Variants in SLC30A8 observed in about 807,000 individuals in gnomAD.
SLC30A8 encodes solute carrier family 30 member 8, also known as proton-coupled zinc antiporter SLC30A8.
A neutral mutation model predicts 36.9 loss-of-function variants in SLC30A8; 27 were observed. The ratio of observed to expected loss-of-function variants is 0.73; its 90% CI spans 0.54 to 1.01. SLC30A8 has a LOEUF of 1.01. Ranked by LOEUF, SLC30A8 falls within the 50% of genes least tolerant of loss-of-function variation. The pLI is 0.00. For synonymous variants in SLC30A8, 164 were observed against 172.4 expected (o/e 0.95, Z 0.38); for missense variants, 439 against 452.0 (o/e 0.97, Z 0.26).
rs901520724 is a variant in SLC30A8 at position 117,122,796 on chromosome 8, T to C, written c.-225-12484T>C. 1.3e-5 allele frequency among the ~76,000 whole-genome samples: 2 copies of C among 152,032 alleles called. 1 individual carries two copies. Among genetic ancestry groups the C allele is most frequent in the Non-Finnish European group, 2.9e-5 (2 of 67,964 alleles). ...GAGCTTTGTCGTGTCTTTGGTGTCCTGGTTGAAGACCAGACTGCCTTTCTT... is the reference window on the plus strand; with the variant it reads ...GAGCTTTGTCGTGTCTTTGGTGTCCCGGTTGAAGACCAGACTGCCTTTCTT... On this transcript the variant is annotated intron_variant, in intron 2 of 10. Transcript: ENST00000427715.
intron 2 of SLC30A8, among the ~76,000 whole-genome samples, chr8:117,089,258 C>T (rs577549887): frequency 2.0e-5 from 3 of 152,058 alleles, no homozygotes; most frequent in Non-Finnish European, 4.4e-5. Context: ...TTTTTCTAGC[C>T]CCAAATTCCA....
At chr8:117,011,682 G>A (rs2130705623) in intron 1 of SLC30A8, among the ~76,000 whole-genome samples, 1 of 152,260 alleles carries the variant, frequency 6.6e-6, no homozygotes, top group South Asian at 2.1e-4. Flanking sequence ...AAGAAGCCAG[G>A]GGTGATGTTG....
At chr8:117,160,600 C>G (rs1406147070) in intron 4 of SLC30A8, among the ~76,000 whole-genome samples, 4 of 152,192 alleles carry the variant, frequency 2.6e-5, no homozygotes, top group Admixed American at 6.5e-5. Flanking sequence ...TTTTTCCTCT[C>G]TCTTTTTGTC....
intron 2 of SLC30A8, among the ~76,000 whole-genome samples, chr8:117,093,283 A>C (rs572661912): frequency 8.6e-5 from 13 of 152,010 alleles, no homozygotes; most frequent in African/African-American, 3.1e-4. Context: ...AGCAACGTTT[A>C]AAAAAAGAAA....
rs1491223080 is a variant in SLC30A8 at position 117,167,504 on chromosome 8, T to TATATATATATATATATATATAC, written c.830-3530_830-3529insATATATATATATATATATATAC. On this transcript the variant is annotated intron_variant, in intron 6 of 7. Transcript: ENST00000456015. ...GCATATATATATATACATACATACA[T>TATATATATATATATATATATAC]GTATATGTATATGTGTATGTGATGT... is the stretch of plus-strand genomic sequence containing the variant. 5.8e-3 allele frequency among the ~76,000 whole-genome samples: 825 copies of TATATATATATATATATATATAC among 141,818 alleles called. 18 individuals are homozygous for TATATATATATATATATATATAC. Among genetic ancestry groups the TATATATATATATATATATATAC allele is most frequent in the Non-Finnish European group, 8.1e-3 (509 of 62,672 alleles). The allele number at this position is 141,818 out of a possible 152,430, so 93.0% of individuals were successfully genotyped here.
At chr8:117,043,867 T>G (rs566965374) in intron 2 of SLC30A8, among the ~76,000 whole-genome samples, 3 of 152,214 alleles carry the variant, frequency 2.0e-5, no homozygotes, top group African/African-American at 7.2e-5. Flanking sequence ...TTTCAGTATG[T>G]TTTTTAGTTC....
rs371602500 is a variant in SLC30A8, at chr8:116,973,790, A to G, written c.-266+22671A>G. Among the ~76,000 whole-genome samples, 11 of 152,328 alleles carry G rather than the reference A, an allele frequency of 7.2e-5. No homozygotes were observed. In the East Asian group the frequency reaches 2.1e-3, roughly 29 times the overall value. On this transcript the variant is annotated intron_variant, in intron 1 of 10. Transcript: ENST00000427715. ...ATCAAGCTACCTGACTTCAAACTATATTACAAGGCTACAGTAACCAAAACA... is the reference window on the plus strand; with the variant it reads ...ATCAAGCTACCTGACTTCAAACTATGTTACAAGGCTACAGTAACCAAAACA...
intron 1 of SLC30A8, among the ~76,000 whole-genome samples, chr8:117,021,880 C>G (rs1027481515): frequency 4.6e-5 from 7 of 152,034 alleles, no homozygotes; most frequent in African/African-American, 1.7e-4. Context: ...CAATTTATGA[C>G]GGAAGGGCTG....
intron 1 of SLC30A8, among the ~76,000 whole-genome samples, chr8:116,952,537 C>T (rs941757064): frequency 5.3e-5 from 8 of 152,024 alleles, no homozygotes; most frequent in South Asian, 4.2e-4. Flanking sequence ...CTCCGCCTTC[C>T]GGGTTCAAGC....
At chr8:116,957,428 G>C (rs1490627609) in intron 1 of SLC30A8, among the ~76,000 whole-genome samples, 2 of 152,000 alleles carry the variant, frequency 1.3e-5, no homozygotes, top group African/African-American at 4.8e-5. Flanking sequence ...GTGCCACCAT[G>C]CTCGGCTAAT....
At chr8:117,066,186 T>C (rs1024571030) in intron 2 of SLC30A8, among the ~76,000 whole-genome samples, 1 of 152,156 alleles carries the variant, frequency 6.6e-6, no homozygotes, top group African/African-American at 2.4e-5. Context: ...GACTGGGCAG[T>C]GAATGCAAGT....
At chr8:117,153,794 G>A (rs1822325892) in intron 3 of SLC30A8, among the ~76,000 whole-genome samples, 12 of 151,592 alleles carry the variant, frequency 7.9e-5, no homozygotes, top group Admixed American at 7.9e-4. Context: ...TGTAACAGGA[G>A]GAAAGCAAAC....
At chr8:117,128,620 G>A (rs772755407) in intron 2 of SLC30A8, 10 of 152,008 alleles carry the variant, frequency 6.6e-5, no homozygotes, top group Non-Finnish European at 2.9e-5. Flanking sequence ...ACACCTTGCT[G>A]AGCACATGTG....
chr8:116,961,327 G>A (rs961436266), intron 1 of SLC30A8, among the ~76,000 whole-genome samples: 2 of 152,144 alleles, frequency 1.3e-5, no homozygotes, highest in Non-Finnish European at 2.9e-5. Flanking sequence ...TACTCGGGAG[G>A]CTGAGGCAGG....
intron 2 of SLC30A8, among the ~76,000 whole-genome samples, chr8:117,067,550 C>G (rs1020402507): frequency 2.6e-5 from 4 of 152,036 alleles, no homozygotes; most frequent in African/African-American, 9.7e-5. Flanking sequence ...GAGAATCCAT[C>G]TTGAAAACAC....
intron 2 of SLC30A8, among the ~76,000 whole-genome samples, chr8:117,097,952 A>AAATTTG (rs1403464508): frequency 5.9e-5 from 7 of 119,146 alleles, no homozygotes; most frequent in African/African-American, 2.3e-4. Flanking sequence ...ATATAATTTT[A>AAATTTG]AATAAATATA....
intron 2 of SLC30A8, among the ~76,000 whole-genome samples, chr8:117,099,274 C>G (rs890324386): frequency 6.6e-6 from 1 of 152,090 alleles, no homozygotes; most frequent in East Asian, 1.9e-4. Context: ...TTTTCTCCCT[C>G]CCACCCAAGA....
At chr8:117,025,983 C>T (rs570210943) in intron 1 of SLC30A8, among the ~76,000 whole-genome samples, 142 of 152,228 alleles carry the variant, frequency 9.3e-4, no homozygotes, top group African/African-American at 3.2e-3. Flanking sequence ...TCCTTTCCTT[C>T]GCAGGGTGAT....
chr8:117,152,331 T>C (rs1309996640), intron 2 of SLC30A8, among the ~76,000 whole-genome samples: 1 of 152,156 alleles, frequency 6.6e-6, no homozygotes, highest in Non-Finnish European at 1.5e-5. Context: ...GGCAGGACTC[T>C]CATGGCTTAC....
Sources: allele counts gnomAD v4.1 joint callset (sites outside exome capture counted in the v4.1 genomes callset), GRCh38; gene constraint gnomAD v4.1.1; transcripts MANE v1.5; gene names NCBI Gene and HGNC (gene_info 2026-07-23, HGNC 2026-07-21).